Variants in AFDN observed in about 807,000 individuals in gnomAD.
AFDN encodes the protein afadin.
AFDN carries 68 observed loss-of-function variants against 216.6 expected under a neutral mutation model. The ratio of observed to expected loss-of-function variants is 0.31; its 90% CI spans 0.26 to 0.38. The LOEUF (loss-of-function observed/expected upper bound fraction) is 0.38, where lower values mean the gene tolerates loss of function less well. Ranked by LOEUF, AFDN falls within the 10% of genes least tolerant of loss-of-function variation. The pLI is 1.00. For missense variants in AFDN, 2,136 were observed against 2,342.0 expected (o/e 0.91, Z 1.82); for synonymous variants, 868 against 853.7 (o/e 1.02, Z -0.29).
chr6:167,960,063 C>T (rs1486759585), intron 30 of AFDN, among the ~76,000 whole-genome samples: 1 of 151,966 alleles, frequency 6.6e-6, no homozygotes, highest in Non-Finnish European at 1.5e-5. Context: ...TGTGAGTAAC[C>T]CATACAATTC....
intron 7 of AFDN, 43 bp from the exon 8 acceptor site, chr6:167,890,819 C>A (rs757349404): frequency 6.3e-7 from 1 of 1,594,020 alleles, no homozygotes; most frequent in African/African-American, 1.3e-5. Flanking sequence ...GCCATCCTGA[C>A]CAACCTGAGT....
At chr6:167,868,786 A>G (rs1784476214) in intron 2 of AFDN, among the ~76,000 whole-genome samples, 1 of 135,842 alleles carries the variant, frequency 7.4e-6, no homozygotes, top group Admixed American at 7.8e-5. Context: ...TTTTTGAGAC[A>G]GGGTCTCACT....
chr6:167,838,292 G>A (rs760635993), intron 1 of AFDN, among the ~76,000 whole-genome samples: 21 of 148,206 alleles, frequency 1.4e-4, no homozygotes, highest in Admixed American at 4.8e-4. Flanking sequence ...CGCTGCGCTT[G>A]TGGAGATCGT....
chr6:167,914,770 C>G (rs1459445605), intron 18 of AFDN, 32 bp downstream of exon 18: 1 of 1,444,584 alleles, frequency 6.9e-7, no homozygotes, highest in Non-Finnish European at 9.7e-7. Flanking sequence ...CTCCCTCTAT[C>G]CCGCTTCCTT....
intron 9 of AFDN, among the ~76,000 whole-genome samples, chr6:167,894,318 A>G (rs563596257): frequency 7.2e-5 from 11 of 152,188 alleles, no homozygotes; most frequent in Non-Finnish European, 7.4e-5. Flanking sequence ...GGTTACTTAG[A>G]TTTGTCTCTG....
rs1241380426 is a variant in AFDN, at chr6:167,914,370, C to CT, written c.2204+59dup. On this transcript the variant is annotated intron_variant, in intron 17 of 33. Coordinates refer to ENST00000683244, the MANE Select transcript of AFDN (RefSeq NM_001386888.1). The stretch of plus-strand genomic sequence containing the variant: ...TCTAAATAATTAAGTCATTTGTTTT[C>CT]TTATTCAGTTTTCCAAACTAATTTT... 1.1e-4 allele frequency: 169 copies of CT among 1,566,502 alleles called. No individual in the cohort carries two copies. The Admixed American group carries it at 3.1e-3, about 28-fold the overall frequency.
chr6:167,916,202 C>T (rs756839770), intron 19 of AFDN, among the ~76,000 whole-genome samples: 4 of 152,168 alleles, frequency 2.6e-5, no homozygotes, highest in African/African-American at 4.8e-5. Flanking sequence ...CCTTTGTCTT[C>T]GTACGGCATT....
intron 1 of AFDN, among the ~76,000 whole-genome samples, chr6:167,834,824 TA>T (rs1180525848): frequency 1.3e-5 from 2 of 151,146 alleles, no homozygotes; most frequent in Admixed American, 6.6e-5. Context: ...TACCAAAATT[TA>T]AAAAAAAATT....
chr6:167,905,369 T>C (rs1789530992), intron 12 of AFDN, among the ~76,000 whole-genome samples: 1 of 152,130 alleles, frequency 6.6e-6, no homozygotes, highest in Non-Finnish European at 1.5e-5. Context: ...AATAATTGAA[T>C]GAGCCGAAGA....
chr6:167,949,568 C>T (rs1305620273), intron 29 of AFDN, among the ~76,000 whole-genome samples: 7 of 152,302 alleles, frequency 4.6e-5, no homozygotes, highest in Admixed American at 3.9e-4. Flanking sequence ...TCACCTGCAA[C>T]GGCCCAGTCT....
intron 23 of AFDN, among the ~76,000 whole-genome samples, chr6:167,937,209 A>G (rs754524077): frequency 5.3e-5 from 8 of 152,148 alleles, no homozygotes; most frequent in Non-Finnish European, 1.0e-4. Flanking sequence ...GCCGACCAAA[A>G]TGTGGATACC....
chr6:167,952,423 AC>A lies in AFDN; in HGVS notation c.4833+237del, dbSNP rs1380483612. The A allele has an allele frequency of 8.1e-6, 8 of 985,302 alleles. No individual in the cohort carries two copies. In the East Asian group the frequency reaches 5.7e-4, roughly 70 times the overall value. 61.0% of individuals were successfully genotyped at this position (985,302 alleles called of 1,614,324 possible). A position where few individuals can be genotyped will look rare whatever the true frequency, so the allele number is the denominator to read the frequency against. On this transcript the variant is annotated intron_variant, in intron 30 of 33. Coordinates refer to ENST00000683244, the MANE Select transcript of AFDN (RefSeq NM_001386888.1). ...AAGTATTAAATACAATTCAAATGGAACTTGATTGTTTTCATTAGCAAACTCA... is the reference window on the plus strand; with the variant it reads ...AAGTATTAAATACAATTCAAATGGAATTGATTGTTTTCATTAGCAAACTCA...
intron 29 of AFDN, 34 bp downstream of exon 29, chr6:167,948,512 C>A: frequency 6.3e-7 from 1 of 1,588,160 alleles, no homozygotes; most frequent in African/African-American, 1.3e-5. Flanking sequence ...ACTTTTCTCA[C>A]CTCTCAAGGA....
chr6:167,922,992 G>A, intron 22 of AFDN, 33 bp downstream of exon 22: 1 of 1,401,504 alleles, frequency 7.1e-7, no homozygotes, highest in South Asian at 1.2e-5. Flanking sequence ...GAAGTGAAAT[G>A]GATCCTTAGG....
intron 21 of AFDN, 42 bp from the exon 22 acceptor site, chr6:167,922,814 A>G (rs754350566): frequency 7.6e-7 from 1 of 1,323,894 alleles, no homozygotes; most frequent in South Asian, 1.2e-5. Context: ...TATCTTGACA[A>G]GATGTGCTTT....
intron 13 of AFDN, among the ~76,000 whole-genome samples, chr6:167,910,625 C>G (rs1312803445): frequency 6.6e-6 from 1 of 152,282 alleles, no homozygotes; most frequent in Admixed American, 6.5e-5. Flanking sequence ...GGAGACTTGC[C>G]GTGGTCAGCT....
Position 167,971,221 on chromosome 6 carries a change from G to A in AFDN, c.*1286G>A. ...ATATTGTTCTCTTACACATACGTAT[G>A]TTAGGAAAATAGGCACACTTTCAAA... On this transcript the variant is annotated 3_prime_UTR_variant, in exon 34 of 34. Coordinates refer to ENST00000683244, the MANE Select transcript of AFDN (RefSeq NM_001386888.1). 4.5e-6 allele frequency: 1 copy of A among 220,246 alleles called. No homozygotes were observed. The highest frequency in any genetic ancestry group is 9.1e-6 in the Non-Finnish European group (1 of 110,004). 13.6% of individuals were successfully genotyped at this position (220,246 alleles called of 1,614,324 possible).
chr6:167,836,853 A>C (rs1200982493), intron 1 of AFDN, among the ~76,000 whole-genome samples: 1 of 152,224 alleles, frequency 6.6e-6, no homozygotes, highest in African/African-American at 2.4e-5. Context: ...TGAATATATG[A>C]ATTTGTAATG....
rs143554924 is a variant in AFDN at position 167,832,235 on chromosome 6, G to A, written c.105+4998G>A. 5.9e-3 allele frequency among the ~76,000 whole-genome samples: 895 copies of A among 152,304 alleles called. 18 individuals are homozygous for A. The highest frequency in any genetic ancestry group is 0.021 in the African/African-American group (861 of 41,552). On this transcript the variant is annotated intron_variant, in intron 1 of 33. Transcript: ENST00000683244. ...CCCTTTAACCAGTTCTGGGCATGTC[G>A]GAGTTGGCTAACGCTGATGTGCTGA...
Sources: allele counts gnomAD v4.1 joint callset (sites outside exome capture counted in the v4.1 genomes callset), GRCh38; gene constraint gnomAD v4.1.1; transcripts MANE v1.5; gene names NCBI Gene and HGNC (gene_info 2026-07-23, HGNC 2026-07-21).